EFHD2: variants seen among roughly 807,000 people sequenced by gnomAD.
EFHD2 encodes the protein EF-hand domain family member D2.
In EFHD2, 12 loss-of-function variants were observed where a neutral mutation model predicts 20.3. The observed-to-expected ratio is 0.59, with a 90% CI of 0.38 to 0.96. The LOEUF (loss-of-function observed/expected upper bound fraction) is 0.96, where lower values mean the gene tolerates loss of function less well. Among genes scored for constraint, EFHD2 ranks in the 40% least tolerant of loss-of-function variants. The pLI is 0.00. For missense variants in EFHD2, 250 were observed against 334.3 expected (o/e 0.75, Z 1.97); for synonymous variants, 131 against 143.9 (o/e 0.91, Z 0.64).
In EFHD2 at chr1:15,427,155, C is replaced by G; in HGVS notation, c.462C>G (p.Leu154=). The G allele has an allele frequency of 6.2e-7, 1 of 1,612,548 alleles. No individual in the cohort carries two copies. Among genetic ancestry groups the G allele is most frequent in the Non-Finnish European group, 8.5e-7 (1 of 1,179,416 alleles). The change falls in exon 3 of 4, where the codon CTC becomes CTG. Residue 154 remains leucine (L), a synonymous_variant. Transcript: ENST00000375980. ...FDSKLSFREF[L]LIFRKAAAGE... is the part of the protein sequence containing the mutation. ...CGCCTCCCTCCCCGCTGCAGTTCCT[C>G]CTGATCTTCCGCAAGGCGGCGGCCG...
At position 15,413,102 on chromosome 1, in the gene EFHD2, G is replaced by A. The variant is rs185106226; in HGVS notation, c.308+2823G>A. On this transcript the variant is annotated intron_variant, in intron 1 of 3. Coordinates refer to ENST00000375980, the MANE Select transcript of EFHD2 (RefSeq NM_024329.6). This position sits in a 1 kb window ranked among gnomAD's most constrained non-coding sequence, Gnocchi z 4.4. ...GGGCTCTCGTGGAAGACAAACCCCCGTTCTGCTTCCGCTGTCCGAGTGGGG... is the reference window on the plus strand; with the variant it reads ...GGGCTCTCGTGGAAGACAAACCCCCATTCTGCTTCCGCTGTCCGAGTGGGG... 3.9e-5 allele frequency among the ~76,000 whole-genome samples: 6 copies of A among 152,304 alleles called. No homozygotes were observed. The highest frequency in any genetic ancestry group is 3.9e-4 in the East Asian group (2 of 5,170).
Position 15,427,169 on chromosome 1 carries a change from A to G in EFHD2, c.476A>G (p.Lys159Arg). The G allele has an allele frequency of 6.2e-7, 1 of 1,611,956 alleles. No individual in the cohort carries two copies. Among genetic ancestry groups the G allele is most frequent in the Non-Finnish European group, 8.5e-7 (1 of 1,179,256 alleles). ...SFREFLLIFR[K>R]AAAGELQEDS... is the part of the protein sequence containing the mutation. The stretch of plus-strand genomic sequence containing the variant: ...CTGCAGTTCCTCCTGATCTTCCGCA[A>G]GGCGGCGGCCGGGGAGCTTCAGGAG... The change falls in exon 3 of 4, where the codon AAG (lysine) becomes AGG (arginine). Residue 159 changes from lysine to arginine, a missense_variant. This residue lies in a region of EFHD2 where 100 missense variants were observed against 116.2 expected (regional missense o/e 0.86). Transcript: ENST00000375980.
chr1:15,428,028 C>T (rs957939627), intron 3 of EFHD2: 8 of 469,856 alleles, frequency 1.7e-5, no homozygotes, highest in African/African-American at 1.2e-4. Flanking sequence ...TTTCAATCCT[C>T]TCAACAACTC....
chr1:15,410,344 C>G (rs1010740563), intron 1 of EFHD2, 65 bp downstream of exon 1: 1 of 1,483,414 alleles, frequency 6.7e-7, no homozygotes, highest in Non-Finnish European at 9.0e-7. Flanking sequence ...CCGAACCCCC[C>G]GATCCCCGGA....
chr1:15,423,406 A>T (rs1440433634), intron 1 of EFHD2, among the ~76,000 whole-genome samples: 1 of 152,094 alleles, frequency 6.6e-6, no homozygotes, highest in East Asian at 1.9e-4. Flanking sequence ...TGAACTATTT[A>T]TACCCCTCGC....
intron 2 of EFHD2, 54 bp from the exon 3 acceptor site, chr1:15,427,096 G>A (rs542554879): frequency 7.5e-5 from 119 of 1,588,534 alleles, no homozygotes; most frequent in African/African-American, 4.0e-4. Context: ...CAGGGACTCC[G>A]GCTCCCCTCC....
intron 1 of EFHD2, 144 bp downstream of exon 1, chr1:15,410,423 C>T: frequency 1.9e-6 from 2 of 1,041,036 alleles, no homozygotes; most frequent in South Asian, 3.4e-5. Flanking sequence ...GGGTTGGGGA[C>T]CCGGCGGCCC....
In EFHD2 at chr1:15,423,464, G is replaced by A. The variant is rs531714171; in HGVS notation, c.309-2407G>A. ...AGGCAGCCGTCTGTGTTCTGCAGCAGCCCCAGGACACGTTGGGGAGGGGCT... is the reference window on the plus strand; with the variant it reads ...AGGCAGCCGTCTGTGTTCTGCAGCAACCCCAGGACACGTTGGGGAGGGGCT... On this transcript the variant is annotated intron_variant, in intron 1 of 3. Transcript: ENST00000375980. 4.5e-4 allele frequency among the ~76,000 whole-genome samples: 69 copies of A among 152,326 alleles called. 1 individual carries two copies. The highest frequency in any genetic ancestry group is 1.5e-3 in the African/African-American group (62 of 41,568).
intron 3 of EFHD2, chr1:15,428,059 G>A (rs1353527029): frequency 2.2e-6 from 1 of 460,826 alleles, no homozygotes; most frequent in Non-Finnish European, 4.5e-6. Context: ...GAGTTATTGG[G>A]TGCCAGGTTC....
chr1:15,418,717 A>AT (rs1707733203), intron 1 of EFHD2, among the ~76,000 whole-genome samples: 1 of 152,196 alleles, frequency 6.6e-6, no homozygotes, highest in South Asian at 2.1e-4. Flanking sequence ...CAGGAATCTG[A>AT]TTTTCAGGAA....
chr1:15,425,848 G>A, intron 1 of EFHD2, 23 bp from the exon 2 acceptor site: 1 of 1,603,408 alleles, frequency 6.2e-7, no homozygotes, highest in South Asian at 1.1e-5. Context: ...GTGCCAAGAT[G>A]TCCTCTCTTT....
intron 1 of EFHD2, among the ~76,000 whole-genome samples, chr1:15,425,311 G>C (rs1480950987): frequency 1.3e-5 from 2 of 152,100 alleles, no homozygotes; most frequent in African/African-American, 4.8e-5. Context: ...GATCACTTGA[G>C]GTCAGGAGTT....
In EFHD2 at chr1:15,428,836, C is replaced by A; in HGVS notation, c.*112C>A. The A allele has an allele frequency of 6.8e-7, 1 of 1,472,548 alleles. No homozygotes were observed. Among genetic ancestry groups the A allele is most frequent in the East Asian group, 2.5e-5 (1 of 40,170 alleles). The allele number at this position is 1,472,548 out of a possible 1,614,324, so 91.2% of individuals were successfully genotyped here. On this transcript the variant is annotated 3_prime_UTR_variant, in exon 4 of 4. Coordinates refer to ENST00000375980, the MANE Select transcript of EFHD2 (RefSeq NM_024329.6). ...TGTCTGACGGGACCACTACTAAAAA[C>A]CTAAAAATATCTGTGAATGGAGCAA...
In EFHD2 at chr1:15,426,031, C is replaced by T. The variant is rs377032167; in HGVS notation, c.456+13C>T. 3 of 1,560,336 alleles carry T rather than the reference C, an allele frequency of 1.9e-6. No individual in the cohort carries two copies. In the African/African-American group the frequency reaches 4.2e-5, roughly 22 times the overall value. Reference sequence around the variant, plus strand: ...GAGCTTCCGGGAGGTAAGCCCGGCCCCCAGCCCCACTCCCCTACCAGGGGC... The same window carrying T: ...GAGCTTCCGGGAGGTAAGCCCGGCCTCCAGCCCCACTCCCCTACCAGGGGC... On this transcript the variant is annotated intron_variant, in intron 2 of 3. Coordinates refer to ENST00000375980, the MANE Select transcript of EFHD2 (RefSeq NM_024329.6). The surrounding 1 kb of genome is among the most constrained non-coding windows in gnomAD (Gnocchi z 4.6).
At chr1:15,418,941 A>G (rs1361245174) in intron 1 of EFHD2, among the ~76,000 whole-genome samples, 1 of 152,262 alleles carries the variant, frequency 6.6e-6, no homozygotes, top group Non-Finnish European at 1.5e-5. Context: ...ATGCCGCTTC[A>G]TAGGCTTCTT....
intron 1 of EFHD2, among the ~76,000 whole-genome samples, chr1:15,419,071 TCTG>T (rs1355658573): frequency 2.0e-5 from 3 of 152,250 alleles, no homozygotes; most frequent in South Asian, 2.1e-4. Context: ...GGCTGGGACA[TCTG>T]CACTGTGCAT....
chr1:15,410,018 T>TGGAGGG lies in EFHD2; in HGVS notation c.48_53dup (p.Glu19_Gly20dup). On this transcript the variant is annotated inframe_insertion, in exon 1 of 4. Transcript: ENST00000375980. ...ACCAAGCTGAGCCGGCGGCTGCAGATGGAGGGCGAGGGCGGCGGCGAGACC... is the reference window on the plus strand; with the variant it reads ...ACCAAGCTGAGCCGGCGGCTGCAGATGGAGGGGGAGGGCGAGGGCGGCGGCGAGACC... 1 of 1,266,718 alleles carries TGGAGGG rather than the reference T, an allele frequency of 7.9e-7. No individual in the cohort carries two copies. The highest frequency in any genetic ancestry group is 9.9e-7 in the Non-Finnish European group (1 of 1,009,756). 78.5% of individuals were successfully genotyped at this position (1,266,718 alleles called of 1,614,324 possible).
chr1:15,423,553 C>CCTTA (rs1707827414), intron 1 of EFHD2, among the ~76,000 whole-genome samples: 1 of 152,180 alleles, frequency 6.6e-6, no homozygotes, highest in South Asian at 2.1e-4. Context: ...CCAGCTCCTT[C>CCTTA]CTTACTGCTG....
At chr1:15,427,980 C>T in intron 3 of EFHD2, 1 of 471,052 alleles carries the variant, frequency 2.1e-6, no homozygotes, top group South Asian at 1.5e-5. Context: ...CCTTCGAGCG[C>T]CCTTGCTTTG....
Sources: gnomAD v4.1 joint callset for allele counts (sites outside exome capture counted in the v4.1 genomes callset) on GRCh38, gnomAD v4.1.1 for gene constraint, gnomAD v4.1.1 regional missense constraint, Gnocchi (gnomAD v3.1) non-coding constraint, MANE v1.5 for transcripts, NCBI Gene and HGNC (gene_info 2026-07-23, HGNC 2026-07-21) for gene names.